BMP7: variants seen among roughly 807,000 people sequenced by gnomAD.
The protein encoded by BMP7 is osteogenic protein 1.
In BMP7, 12 loss-of-function variants were observed where a neutral mutation model predicts 41.2. The ratio of observed to expected loss-of-function variants is 0.29; its 90% confidence interval spans 0.19 to 0.47. The LOEUF is 0.47. Ranked by LOEUF, BMP7 falls within the 20% of genes least tolerant of loss-of-function variation. BMP7 has a pLI of 0.99. For missense variants in BMP7, 467 were observed against 606.0 expected, an observed-to-expected ratio of 0.77 and a Z score of 2.41; for synonymous variants, 248 against 250.0, an observed-to-expected ratio of 0.99 and a Z score of 0.07.
chr20:57,186,834 C>T (rs1044741694), intron 3 of BMP7, among the ~76,000 whole-genome samples: 1 of 152,014 alleles, frequency 6.6e-6, no homozygotes, highest in Non-Finnish European at 1.5e-5. Context: ...AACAAATTTT[C>T]CCCCACCCGC....
At chr20:57,177,699 C>T (rs1276445095) in intron 4 of BMP7, 1 of 152,162 alleles carries the variant, frequency 6.6e-6, no homozygotes, top group East Asian at 1.9e-4. Context: ...ACACCAATAA[C>T]GAAATTACAT....
chr20:57,254,703 A>C (rs2146029305), intron 1 of BMP7, among the ~76,000 whole-genome samples: 1 of 151,884 alleles, frequency 6.6e-6, no homozygotes, highest in East Asian at 1.9e-4. Flanking sequence ...TGGGGCGACT[A>C]TTCCATATCC....
rs953489212 is a variant in BMP7 at position 57,215,201 on chromosome 20, C to T, written c.612-12578G>A. Among the ~76,000 whole-genome samples, 3 of 152,200 alleles carry T rather than the reference C, an allele frequency of 2.0e-5. No homozygotes were observed. The highest frequency in any genetic ancestry group is 7.2e-5 in the African/African-American group (3 of 41,436). ...CTCCATACCCCCCACCTTCACAGGC[C>T]TGGCTATGGAACCAGGGGGCTGTCA... On this transcript the variant is annotated intron_variant, in intron 2 of 6. Coordinates refer to ENST00000395863, the MANE Select transcript of BMP7 (RefSeq NM_001719.3). This position sits in a 1 kb window ranked among gnomAD's most constrained non-coding sequence, Gnocchi z 4.2.
chr20:57,189,391 A>G (rs770710704), intron 3 of BMP7, among the ~76,000 whole-genome samples: 2 of 152,152 alleles, frequency 1.3e-5, no homozygotes, highest in Non-Finnish European at 2.9e-5. Context: ...GCAAAATGAA[A>G]ATGTGGGGCC....
At chr20:57,190,674 C>T (rs1030593835) in intron 3 of BMP7, among the ~76,000 whole-genome samples, 6 of 152,040 alleles carry the variant, frequency 3.9e-5, no homozygotes, top group East Asian at 1.9e-4. Context: ...GAAGCGCGTC[C>T]GCTCCTGCCC....
intron 3 of BMP7, among the ~76,000 whole-genome samples, chr20:57,192,080 ATATT>A (rs1392353554): frequency 1.2e-4 from 15 of 124,826 alleles, no homozygotes; most frequent in African/African-American, 3.2e-4. Context: ...CTAAATTTAT[ATATT>A]TATTTATATT....
chr20:57,225,976 C>CA (rs1568721996), intron 2 of BMP7: 1 of 470,912 alleles, frequency 2.1e-6, no homozygotes, highest in South Asian at 1.5e-5. Context: ...AGGAGGGACT[C>CA]AGTCACTCAG....
chr20:57,255,807 A>G (rs1425271026), intron 1 of BMP7, among the ~76,000 whole-genome samples: 1 of 149,486 alleles, frequency 6.7e-6, no homozygotes, highest in Non-Finnish European at 1.5e-5. Context: ...CTCAAAAAAA[A>G]AAAAAAAAAA....
intron 4 of BMP7, among the ~76,000 whole-genome samples, chr20:57,175,276 C>T (rs1032059747): frequency 6.6e-6 from 1 of 152,218 alleles, no homozygotes; most frequent in African/African-American, 2.4e-5. Flanking sequence ...GAACCTTCTG[C>T]GGACACTGGT....
At chr20:57,251,347 C>G (rs757031113) in intron 1 of BMP7, among the ~76,000 whole-genome samples, 1 of 152,204 alleles carries the variant, frequency 6.6e-6, no homozygotes, top group Non-Finnish European at 1.5e-5. Flanking sequence ...GACGGTCTGA[C>G]TCAGACCCAA....
At position 57,207,811 on chromosome 20, in the gene BMP7, GTTTT is replaced by G. The variant is rs572613876; in HGVS notation, c.612-5192_612-5189del. On this transcript the variant is annotated intron_variant, in intron 2 of 6. Coordinates refer to ENST00000395863, the MANE Select transcript of BMP7 (RefSeq NM_001719.3). The stretch of plus-strand genomic sequence containing the variant: ...CTTTCCCATCCCCATACCCCAGTTG[GTTTT>G]TTTTTTTTTTTTTTTTTTTTTTTTT... Among the ~76,000 whole-genome samples the G allele has an allele frequency of 4.9e-4, 54 of 109,966 alleles. 5 individuals carry two copies. The highest frequency in any genetic ancestry group is 6.6e-4 in the African/African-American group (16 of 24,310). The allele number at this position is 109,966 out of a possible 152,430, so 72.1% of individuals were successfully genotyped here. A position where few individuals can be genotyped will look rare whatever the true frequency, so the allele number is the denominator to read the frequency against.
intron 1 of BMP7, among the ~76,000 whole-genome samples, chr20:57,249,915 C>A (rs1272692124): frequency 2.0e-5 from 3 of 152,142 alleles, no homozygotes; most frequent in Non-Finnish European, 4.4e-5. Context: ...GAGCCTTGAG[C>A]CACCCACCAG....
intron 1 of BMP7, among the ~76,000 whole-genome samples, chr20:57,262,101 A>G (rs2066156396): frequency 6.6e-6 from 1 of 152,204 alleles, no homozygotes; most frequent in Non-Finnish European, 1.5e-5. Context: ...AAACATGATG[A>G]CTTCCACTCC....
chr20:57,205,556 C>A (rs1984711310), intron 2 of BMP7, among the ~76,000 whole-genome samples: 1 of 152,200 alleles, frequency 6.6e-6, no homozygotes, highest in Non-Finnish European at 1.5e-5. Flanking sequence ...CCTACTGAAT[C>A]AGGCTCCCAA....
At chr20:57,219,992 T>A (rs2123109334) in intron 2 of BMP7, among the ~76,000 whole-genome samples, 1 of 152,206 alleles carries the variant, frequency 6.6e-6, no homozygotes, top group Middle Eastern at 3.4e-3. Context: ...GTACCAAGGA[T>A]CCAGGGAAAG....
At chr20:57,245,292 C>T (rs6064517) in intron 1 of BMP7, among the ~76,000 whole-genome samples, 12,583 of 152,116 alleles carry the variant, frequency 0.083, 649 homozygotes, top group Non-Finnish European at 0.11. Context: ...AACCTCTTTC[C>T]GGTGTGGGAA....
At chr20:57,264,336 T>G (rs1268482174) in intron 1 of BMP7, among the ~76,000 whole-genome samples, 1 of 152,232 alleles carries the variant, frequency 6.6e-6, no homozygotes, top group Non-Finnish European at 1.5e-5. Context: ...GGCGTGAGTT[T>G]GCTGTCTTGA....
In BMP7 at chr20:57,170,873, G is replaced by A; in HGVS notation, c.*86C>T. ...TAGGGAGGGGAAGGTCTCACAAAAG[G>A]CAGTTGGTCTGCTGGTTCCTGGCCA... On this transcript the variant is annotated 3_prime_UTR_variant, in exon 7 of 7. Transcript: ENST00000395863. 2 of 1,541,314 alleles carry A rather than the reference G, an allele frequency of 1.3e-6. No individual in the cohort carries two copies. Among genetic ancestry groups the A allele is most frequent in the Non-Finnish European group, 1.8e-6 (2 of 1,130,448 alleles).
chr20:57,180,536 G>A (rs1339050184), intron 4 of BMP7, among the ~76,000 whole-genome samples: 1 of 152,172 alleles, frequency 6.6e-6, no homozygotes, highest in Non-Finnish European at 1.5e-5. Flanking sequence ...CTGTTACTAT[G>A]TATGGATGTG....
Sources: allele counts gnomAD v4.1 joint callset (sites outside exome capture counted in the v4.1 genomes callset), GRCh38; gene constraint gnomAD v4.1.1; non-coding constraint Gnocchi (gnomAD v3.1); transcripts MANE v1.5; gene names NCBI Gene and HGNC (gene_info 2026-07-23, HGNC 2026-07-21).